Variants in CPNE4 observed in about 807,000 individuals in gnomAD.
The protein encoded by CPNE4 is copine 4.
A neutral mutation model predicts 67.9 loss-of-function variants in CPNE4; 25 were observed. The observed-to-expected ratio is 0.37, with a 90% CI of 0.27 to 0.51. The LOEUF (loss-of-function observed/expected upper bound fraction) is 0.51. CPNE4 is among the 20% of genes least tolerant of loss of function. The probability of loss-of-function intolerance (pLI) is 0.93; values close to 1 mark genes in which losing one functional copy is unlikely to be tolerated. For missense variants in CPNE4, 464 were observed against 690.8 expected (o/e 0.67, Z 3.68); for synonymous variants, 242 against 244.9 (o/e 0.99, Z 0.11).
chr3:131,852,612 A>C (rs777461925), intron 2 of CPNE4, among the ~76,000 whole-genome samples: 3 of 151,898 alleles, frequency 2.0e-5, no homozygotes, highest in Non-Finnish European at 2.9e-5. Context: ...AACAAGGTAA[A>C]GATTTCTACT....
At chr3:132,004,753 A>G (rs151315650) in intron 1 of CPNE4, among the ~76,000 whole-genome samples, 20 of 152,260 alleles carry the variant, frequency 1.3e-4, no homozygotes, top group African/African-American at 4.6e-4. Flanking sequence ...AGAGTTGGAC[A>G]TGAGCCACTA....
intron 3 of CPNE4, among the ~76,000 whole-genome samples, chr3:131,720,782 C>G (rs1458793079): frequency 6.6e-6 from 1 of 152,202 alleles, no homozygotes; most frequent in Non-Finnish European, 1.5e-5. Flanking sequence ...TCCTGTCTCA[C>G]TTTTCCTCTC....
At chr3:131,551,114 C>A (rs571160309) in intron 13 of CPNE4, among the ~76,000 whole-genome samples, 1 of 152,222 alleles carries the variant, frequency 6.6e-6, no homozygotes, top group Non-Finnish European at 1.5e-5. Flanking sequence ...GGGATCCACA[C>A]AATTCCCTCC....
At chr3:131,551,861 T>C (rs888598827) in intron 13 of CPNE4, among the ~76,000 whole-genome samples, 2 of 152,084 alleles carry the variant, frequency 1.3e-5, no homozygotes, top group African/African-American at 4.8e-5. Flanking sequence ...TTCAATATCA[T>C]TATTTTGTGA....
chr3:131,596,021 T>C (rs1043349282), intron 7 of CPNE4, among the ~76,000 whole-genome samples: 1 of 152,154 alleles, frequency 6.6e-6, no homozygotes, highest in Non-Finnish European at 1.5e-5. Flanking sequence ...AGTATAAAGT[T>C]TTAGTCATGT....
At chr3:131,924,991 GGCACAA>G (rs2070854399) in intron 1 of CPNE4, among the ~76,000 whole-genome samples, 1 of 152,052 alleles carries the variant, frequency 6.6e-6, no homozygotes, top group South Asian at 2.1e-4. Context: ...CTGTTTTTCA[GGCACAA>G]GCACTGATTG....
chr3:131,619,502 G>C (rs1274403660), intron 7 of CPNE4, among the ~76,000 whole-genome samples: 1 of 152,182 alleles, frequency 6.6e-6, no homozygotes, highest in Non-Finnish European at 1.5e-5. Flanking sequence ...TGGGCTTTGT[G>C]TGCGGTGAAA....
chr3:131,675,562 A>T (rs1044472547), intron 6 of CPNE4, among the ~76,000 whole-genome samples: 2 of 151,706 alleles, frequency 1.3e-5, no homozygotes, highest in African/African-American at 2.4e-5. Flanking sequence ...TCATTATATA[A>T]TTTTTTTCTC....
At chr3:131,998,458 C>T (rs1368608333) in intron 1 of CPNE4, among the ~76,000 whole-genome samples, 1 of 152,106 alleles carries the variant, frequency 6.6e-6, no homozygotes, top group Non-Finnish European at 1.5e-5. Flanking sequence ...TTCCAGTTTG[C>T]CTCTAGCAAT....
chr3:131,922,485 T>G (rs1311036873), intron 1 of CPNE4, among the ~76,000 whole-genome samples: 1 of 152,108 alleles, frequency 6.6e-6, no homozygotes, highest in Non-Finnish European at 1.5e-5. Flanking sequence ...CTGATCTAAA[T>G]TTGGAGAGGC....
intron 2 of CPNE4, among the ~76,000 whole-genome samples, chr3:131,734,134 T>C (rs183667980): frequency 2.2e-4 from 33 of 152,320 alleles, no homozygotes; most frequent in South Asian, 8.3e-4. Flanking sequence ...GACCAAATTG[T>C]GAATTAGTCC....
At chr3:131,559,984 A>T (rs1936674357) in intron 11 of CPNE4, among the ~76,000 whole-genome samples, 1 of 152,098 alleles carries the variant, frequency 6.6e-6, no homozygotes, top group Non-Finnish European at 1.5e-5. Flanking sequence ...ACAGCTATAC[A>T]TTTTAATATT....
intron 2 of CPNE4, among the ~76,000 whole-genome samples, chr3:131,885,196 G>A (rs1195874741): frequency 1.3e-5 from 2 of 152,132 alleles, no homozygotes; most frequent in Non-Finnish European, 2.9e-5. Context: ...TGGAGATGAG[G>A]AACTTGTTGG....
intron 2 of CPNE4, among the ~76,000 whole-genome samples, chr3:131,818,581 A>G (rs567857217): frequency 6.6e-6 from 1 of 152,242 alleles, no homozygotes; most frequent in African/African-American, 2.4e-5. Flanking sequence ...GCTGTCAAAA[A>G]TGAAAAACCT....
chr3:131,642,577 T>C (rs1344207552), intron 7 of CPNE4, among the ~76,000 whole-genome samples: 2 of 152,198 alleles, frequency 1.3e-5, no homozygotes, highest in African/African-American at 2.4e-5. Context: ...TTATCTTGAA[T>C]TGTAGTTCCC....
At chr3:131,873,999 G>A (rs1198403897) in intron 2 of CPNE4, among the ~76,000 whole-genome samples, 1 of 152,134 alleles carries the variant, frequency 6.6e-6, no homozygotes, top group Non-Finnish European at 1.5e-5. Context: ...GTTCAATGTG[G>A]AATGTGCCAT....
chr3:131,910,374 C>T (rs1471343539), intron 1 of CPNE4, among the ~76,000 whole-genome samples: 1 of 152,136 alleles, frequency 6.6e-6, no homozygotes, highest in African/African-American at 2.4e-5. Flanking sequence ...CTCTCCTTAC[C>T]CCTTCAGGCT....
At chr3:131,570,527 T>C (rs1279292461) in intron 10 of CPNE4, among the ~76,000 whole-genome samples, 1 of 152,056 alleles carries the variant, frequency 6.6e-6, no homozygotes, top group Non-Finnish European at 1.5e-5. Context: ...TCTATAACTT[T>C]GTATTTTGTG....
intron 7 of CPNE4, among the ~76,000 whole-genome samples, chr3:131,652,666 C>A (rs531951606): frequency 6.6e-6 from 1 of 152,052 alleles, no homozygotes; most frequent in East Asian, 1.9e-4. Context: ...GGTGTTTTTC[C>A]TTCTAGTCAT....
Sources: allele counts gnomAD v4.1 joint callset (sites outside exome capture counted in the v4.1 genomes callset), GRCh38; gene constraint gnomAD v4.1.1; transcripts MANE v1.5; gene names NCBI Gene and HGNC (gene_info 2026-07-23, HGNC 2026-07-21).